The following COLEC12 variants were observed in gnomAD, a reference collection of about 807,000 sequenced individuals.
COLEC12 encodes collectin subfamily member 12, also known as collectin-12.
A neutral mutation model predicts 71.1 loss-of-function variants in COLEC12; 33 were observed. The ratio of observed to expected loss-of-function variants is 0.46; its 90% confidence interval spans 0.35 to 0.62. The LOEUF (loss-of-function observed/expected upper bound fraction) is 0.62, where lower values mean the gene tolerates loss of function less well. Ranked by LOEUF, COLEC12 falls within the 20% of genes least tolerant of loss-of-function variation. The pLI is 0.00. For synonymous variants in COLEC12, 350 were observed against 353.0 expected, an observed-to-expected ratio of 0.99 and a Z score of 0.10; for missense variants, 765 against 916.1, an observed-to-expected ratio of 0.84 and a Z score of 2.13.
At chr18:358,603 A>G (rs1347023585) in intron 2 of COLEC12, among the ~76,000 whole-genome samples, 1 of 152,138 alleles carries the variant, frequency 6.6e-6, no homozygotes, top group Non-Finnish European at 1.5e-5. Flanking sequence ...TGGTCATGCA[A>G]GTGATGGGAA....
At chr18:486,571 G>A (rs1917522305) in intron 1 of COLEC12, among the ~76,000 whole-genome samples, 1 of 152,196 alleles carries the variant, frequency 6.6e-6, no homozygotes, top group African/African-American at 2.4e-5. Context: ...CACAGCTTAT[G>A]AGTGGCCAGA....
At chr18:387,144 G>A (rs577787541) in intron 2 of COLEC12, among the ~76,000 whole-genome samples, 3 of 152,210 alleles carry the variant, frequency 2.0e-5, no homozygotes, top group Non-Finnish European at 4.4e-5. Context: ...AATTGGTAGC[G>A]TTGTCAGCAC....
intron 2 of COLEC12, among the ~76,000 whole-genome samples, chr18:458,237 A>T (rs1369626520): frequency 6.6e-6 from 1 of 152,188 alleles, no homozygotes; most frequent in Non-Finnish European, 1.5e-5. Context: ...AAACTCTAGC[A>T]CTCATTTCCT....
intron 2 of COLEC12, among the ~76,000 whole-genome samples, chr18:392,063 G>A (rs910743524): frequency 2.5e-4 from 38 of 152,124 alleles, no homozygotes; most frequent in East Asian, 1.9e-4. Context: ...GTATACCTGG[G>A]GCCATTCATG....
At chr18:373,656 G>C (rs1333516450) in intron 2 of COLEC12, among the ~76,000 whole-genome samples, 1 of 152,156 alleles carries the variant, frequency 6.6e-6, no homozygotes, top group Non-Finnish European at 1.5e-5. Context: ...ATCCCCGTAA[G>C]GGCTTATCTG....
intron 2 of COLEC12, among the ~76,000 whole-genome samples, chr18:464,556 G>A (rs1025470308): frequency 1.3e-5 from 2 of 152,102 alleles, no homozygotes; most frequent in Non-Finnish European, 2.9e-5. Context: ...CTGAATCACT[G>A]GTTCCCCCCA....
intron 8 of COLEC12, among the ~76,000 whole-genome samples, chr18:323,217 C>T (rs765210085): frequency 6.6e-5 from 10 of 152,114 alleles, no homozygotes; most frequent in Non-Finnish European, 1.5e-4. Flanking sequence ...CAGAGCGAGG[C>T]TCCATCTCAA....
chr18:429,105 G>C (rs915934988), intron 2 of COLEC12, among the ~76,000 whole-genome samples: 2 of 152,096 alleles, frequency 1.3e-5, no homozygotes, highest in African/African-American at 4.8e-5. Context: ...CATTAAGAAG[G>C]AAAATTCCCC....
At chr18:365,557 A>G (rs1338982700) in intron 2 of COLEC12, among the ~76,000 whole-genome samples, 3 of 152,200 alleles carry the variant, frequency 2.0e-5, no homozygotes, top group Non-Finnish European at 4.4e-5. Flanking sequence ...CTTCATCTAC[A>G]GAGCCAAAAA....
Position 500,497 on chromosome 18 carries a change from C to T in COLEC12, c.7+11G>A. On this transcript the variant is annotated intron_variant, in intron 1 of 9. Coordinates refer to ENST00000400256, the MANE Select transcript of COLEC12 (RefSeq NM_130386.3). The surrounding 1 kb of genome is among the most constrained non-coding windows in gnomAD (Gnocchi z 5.3). ...CCCGCCCAGAGCCCCGCGGAGCTGC[C>T]GCCGCCCTACCTTTCATGGTGACCG... 2 of 1,228,666 alleles carry T rather than the reference C, an allele frequency of 1.6e-6. No individual in the cohort carries two copies. Among genetic ancestry groups the T allele is most frequent in the African/African-American group, 1.6e-5 (1 of 63,970 alleles). 76.1% of individuals were successfully genotyped at this position (1,228,666 alleles called of 1,614,324 possible).
At chr18:436,037 G>C (rs974465673) in intron 2 of COLEC12, among the ~76,000 whole-genome samples, 2 of 152,200 alleles carry the variant, frequency 1.3e-5, no homozygotes, top group Non-Finnish European at 2.9e-5. Context: ...AATGGGCATA[G>C]TATGTCAGCC....
chr18:498,291 T>G (rs966280708), intron 1 of COLEC12, among the ~76,000 whole-genome samples: 12 of 149,178 alleles, frequency 8.0e-5, no homozygotes, highest in African/African-American at 2.7e-4. Context: ...ACCCCACCAC[T>G]CAGACAAATG....
At chr18:338,972 C>T (rs35173966) in intron 5 of COLEC12, among the ~76,000 whole-genome samples, 33,456 of 114,730 alleles carry the variant, frequency 0.29, 3,991 homozygotes, top group South Asian at 0.44. Context: ...AATCTTTAGC[C>T]TTATTGTCTT....
chr18:461,541 C>A (rs1916983086), intron 2 of COLEC12, among the ~76,000 whole-genome samples: 1 of 152,192 alleles, frequency 6.6e-6, no homozygotes, highest in Non-Finnish European at 1.5e-5. Flanking sequence ...CATACACCAC[C>A]ATGTCCAGCT....
At chr18:443,501 G>A (rs1042348120) in intron 2 of COLEC12, among the ~76,000 whole-genome samples, 8 of 152,220 alleles carry the variant, frequency 5.3e-5, no homozygotes, top group Admixed American at 5.2e-4. Flanking sequence ...GGTTCTGGAA[G>A]TGTGGTTGTC....
At chr18:386,864 C>T (rs566142025) in intron 2 of COLEC12, among the ~76,000 whole-genome samples, 13 of 151,592 alleles carry the variant, frequency 8.6e-5, no homozygotes, top group African/African-American at 2.9e-4. Context: ...TTTTTCTGTT[C>T]CCACCAGCAC....
intron 2 of COLEC12, among the ~76,000 whole-genome samples, chr18:394,631 T>C (rs994755412): frequency 2.0e-5 from 3 of 152,234 alleles, no homozygotes; most frequent in African/African-American, 4.8e-5. Flanking sequence ...TGAAACTGCA[T>C]AGTAAAACTA....
At chr18:348,229 CAA>C (rs1456421779) in intron 3 of COLEC12, 66 bp from the exon 4 acceptor site, 19 of 988,230 alleles carry the variant, frequency 1.9e-5, no homozygotes, top group Admixed American at 1.1e-4. Context: ...AGTTTCAAAA[CAA>C]GAGATCATTT....
intron 2 of COLEC12, among the ~76,000 whole-genome samples, chr18:441,600 T>C: frequency 6.6e-6 from 1 of 152,206 alleles, no homozygotes; most frequent in African/African-American, 2.4e-5. Flanking sequence ...TACCTCATGC[T>C]CATATTTTCC....
Sources: allele counts gnomAD v4.1 joint callset (sites outside exome capture counted in the v4.1 genomes callset), GRCh38; gene constraint gnomAD v4.1.1; non-coding constraint Gnocchi (gnomAD v3.1); transcripts MANE v1.5; gene names NCBI Gene and HGNC (gene_info 2026-07-23, HGNC 2026-07-21).